The following PCDHA2 variants were observed in gnomAD, a reference collection of about 807,000 sequenced individuals.
PCDHA2 encodes the protein protocadherin alpha 2.
PCDHA2 carries 58 observed loss-of-function variants against 66.0 expected under a neutral mutation model. The ratio of observed to expected loss-of-function variants is 0.88; its 90% CI spans 0.71 to 1.09. PCDHA2 has a LOEUF of 1.09. PCDHA2 is among the 50% of genes least tolerant of loss of function. PCDHA2 has a pLI of 0.00. For missense variants in PCDHA2, 1,267 were observed against 1,242.3 expected, an observed-to-expected ratio of 1.02 and a Z score of -0.30; for synonymous variants, 634 against 554.0, an observed-to-expected ratio of 1.14 and a Z score of -2.03.
intron 1 of PCDHA2, chr5:140,843,224 C>A: frequency 6.3e-7 from 1 of 1,596,086 alleles, no homozygotes; most frequent in Non-Finnish European, 8.6e-7. Context: ...CAGCACCACT[C>A]GTGTCCTGGA....
intron 1 of PCDHA2, chr5:140,864,534 T>A (rs1554158965): frequency 6.6e-6 from 1 of 152,246 alleles, no homozygotes; most frequent in Non-Finnish European, 1.5e-5. Flanking sequence ...TTAATTTTTG[T>A]CTTCAATCTT....
At chr5:140,972,316 G>T (rs2096531069) in intron 1 of PCDHA2, among the ~76,000 whole-genome samples, 2 of 139,864 alleles carry the variant, frequency 1.4e-5, no homozygotes, top group South Asian at 2.3e-4. Flanking sequence ...GTTTTTAGGT[G>T]TTTTTTTTTT....
rs2150374915 is a variant in PCDHA2 at position 140,844,901 on chromosome 5, G to T, written c.2388+47549G>T. 3.1e-4 allele frequency among the ~76,000 whole-genome samples: 47 copies of T among 149,514 alleles called. 3 individuals are homozygous for T. The highest frequency in any genetic ancestry group is 1.0e-3 in the African/African-American group (41 of 40,888). ...TAGACTTCGTGCATATTGCTTTGGA[G>T]AGAATGGTAGAAATTGATGGAAGGG... On this transcript the variant is annotated intron_variant, in intron 1 of 3. Coordinates refer to ENST00000526136, the MANE Select transcript of PCDHA2 (RefSeq NM_018905.3).
intron 1 of PCDHA2, chr5:140,831,242 C>A (rs1312674321): frequency 2.0e-5 from 3 of 152,156 alleles, no homozygotes; most frequent in Non-Finnish European, 4.4e-5. Context: ...GGCATTGCGG[C>A]TCTCTTATTT....
intron 1 of PCDHA2, chr5:140,927,567 C>A: frequency 6.2e-7 from 1 of 1,614,180 alleles, no homozygotes; most frequent in Non-Finnish European, 8.5e-7. Context: ...TTGTGGTGGA[C>A]ACAAATGACA....
At chr5:140,807,684 C>G (rs782583674) in intron 1 of PCDHA2, 1 of 1,614,118 alleles carries the variant, frequency 6.2e-7, no homozygotes, top group African/African-American at 1.3e-5. Flanking sequence ...GGGGAGAACG[C>G]CCTGCTCACT....
intron 1 of PCDHA2, chr5:140,823,947 G>A: frequency 6.2e-7 from 1 of 1,613,980 alleles, no homozygotes; most frequent in South Asian, 1.1e-5. Flanking sequence ...GGTGCTCGGC[G>A]CAGCCCACCG....
intron 1 of PCDHA2, among the ~76,000 whole-genome samples, chr5:140,872,594 T>A (rs1554166277): frequency 1.3e-5 from 2 of 152,130 alleles, no homozygotes; most frequent in African/African-American, 2.4e-5. Context: ...GAGACCCCCA[T>A]CTGAAAAAAT....
chr5:140,872,003 A>G (rs1314439086), intron 1 of PCDHA2, among the ~76,000 whole-genome samples: 1 of 152,202 alleles, frequency 6.6e-6, no homozygotes, highest in South Asian at 2.1e-4. Context: ...GGCTATTTAC[A>G]GGTGACCTGT....
chr5:140,804,025 T>C (rs2149975978), intron 1 of PCDHA2: 1 of 201,702 alleles, frequency 5.0e-6, no homozygotes, highest in South Asian at 1.1e-4. Flanking sequence ...TTTTATGAGT[T>C]CACCTAATGC....
Position 140,846,415 on chromosome 5 carries a change from C to A in PCDHA2, c.2388+49063C>A, listed in dbSNP as rs1440795292. ...TTTGAGACGGAGTCTCGCTCTATCT[C>A]CCAGGCTGGAATGCAGTGGCGCAAT... On this transcript the variant is annotated intron_variant, in intron 1 of 3. Coordinates refer to ENST00000526136, the MANE Select transcript of PCDHA2 (RefSeq NM_018905.3). Among the ~76,000 whole-genome samples the A allele has an allele frequency of 3.7e-5, 5 of 135,678 alleles. 2 individuals carry two copies. Among genetic ancestry groups the A allele is most frequent in the Non-Finnish European group, 7.9e-5 (5 of 62,902 alleles). The allele number at this position is 135,678 out of a possible 152,430, so 89.0% of individuals were successfully genotyped here.
intron 1 of PCDHA2, chr5:140,883,224 C>T (rs782659730): frequency 1.2e-6 from 2 of 1,613,946 alleles, no homozygotes; most frequent in Non-Finnish European, 1.7e-6. Flanking sequence ...TATGAAATAT[C>T]CGTGGAGGCA....
intron 1 of PCDHA2, chr5:140,823,159 T>A: frequency 6.2e-7 from 1 of 1,613,740 alleles, no homozygotes; most frequent in Non-Finnish European, 8.5e-7. Context: ...GTATACCGTG[T>A]TCGTGAAGGA....
In PCDHA2 at chr5:140,841,621, G is replaced by A. The variant is rs2150319619; in HGVS notation, c.2388+44269G>A. 7.4e-6 allele frequency: 12 copies of A among 1,614,032 alleles called. No homozygotes were observed. The African/African-American group carries it at 1.3e-4, about 18-fold the overall frequency. On this transcript the variant is annotated intron_variant, in intron 1 of 3. Coordinates refer to ENST00000526136, the MANE Select transcript of PCDHA2 (RefSeq NM_018905.3). ...GCGAGGAGCTGTGCGGGCGGAGCGC[G>A]GAGTGCAGCATCCACCTGGAGGTGA...
intron 3 of PCDHA2, among the ~76,000 whole-genome samples, chr5:140,999,483 T>G (rs1316785085): frequency 3.3e-5 from 5 of 152,152 alleles, no homozygotes; most frequent in Admixed American, 2.6e-4. Flanking sequence ...CCAACTCAAG[T>G]CTATGTTACC....
intron 1 of PCDHA2, among the ~76,000 whole-genome samples, chr5:140,898,193 A>G (rs1352716396): frequency 1.7e-4 from 26 of 152,114 alleles, no homozygotes; most frequent in African/African-American, 5.3e-4. Flanking sequence ...CTTTAGTTTA[A>G]TTAGATCCCA....
intron 1 of PCDHA2, among the ~76,000 whole-genome samples, chr5:140,964,284 A>C (rs190870993): frequency 6.6e-6 from 1 of 152,362 alleles, no homozygotes; most frequent in East Asian, 1.9e-4. Context: ...AGTAAATTCT[A>C]GCTGGAGCTA....
At chr5:140,912,922 G>A (rs1554195623) in intron 1 of PCDHA2, among the ~76,000 whole-genome samples, 3 of 152,210 alleles carry the variant, frequency 2.0e-5, no homozygotes, top group African/African-American at 7.2e-5. Context: ...ATTTGTGTAT[G>A]TTGAATCATC....
intron 1 of PCDHA2, chr5:140,927,469 C>T (rs17844359): frequency 6.2e-7 from 1 of 1,614,082 alleles, no homozygotes; most frequent in Non-Finnish European, 8.5e-7. Context: ...AGCACTGGAT[C>T]GCGAACAGCG....
Sources: gnomAD v4.1 joint callset for allele counts (sites outside exome capture counted in the v4.1 genomes callset) on GRCh38, gnomAD v4.1.1 for gene constraint, MANE v1.5 for transcripts, NCBI Gene and HGNC (gene_info 2026-07-23, HGNC 2026-07-21) for gene names.